Variants in TLE1 observed in about 807,000 individuals in gnomAD.
The protein encoded by TLE1 is TLE family member 1, transcriptional corepressor, also known as transducin-like enhancer protein 1.
A neutral mutation model predicts 89.8 loss-of-function variants in TLE1; 21 were observed. The ratio of observed to expected loss-of-function variants is 0.23; its 90% CI spans 0.17 to 0.34. The LOEUF (loss-of-function observed/expected upper bound fraction) is 0.34, where lower values mean the gene tolerates loss of function less well. TLE1 is among the 10% of genes least tolerant of loss of function. TLE1 has a pLI of 1.00. For synonymous variants in TLE1, 447 were observed against 407.6 expected (o/e 1.10, Z -1.16); for missense variants, 795 against 1,031.2 (o/e 0.77, Z 3.14).
chr9:81,662,763 T>C (rs919694204), intron 4 of TLE1, among the ~76,000 whole-genome samples: 2 of 152,052 alleles, frequency 1.3e-5, no homozygotes, highest in Admixed American at 6.6e-5. Context: ...AGAGTAATTA[T>C]GCTGAGGTGG....
chr9:81,660,571 A>C lies in TLE1; in HGVS notation c.235-6535T>G, dbSNP rs536258547. Among the ~76,000 whole-genome samples the C allele has an allele frequency of 2.9e-3, 431 of 150,236 alleles. 1 individual carries two copies. Among genetic ancestry groups the C allele is most frequent in the Non-Finnish European group, 4.2e-3 (285 of 67,484 alleles). ...TGGGACTACAGGTGCCTGCTACCACACCCGGCTAATTTTTTTTTGTATTTT... is the reference window on the plus strand; with the variant it reads ...TGGGACTACAGGTGCCTGCTACCACCCCCGGCTAATTTTTTTTTGTATTTT... On this transcript the variant is annotated intron_variant, in intron 4 of 19. Transcript: ENST00000376499.
intron 4 of TLE1, among the ~76,000 whole-genome samples, chr9:81,660,403 ATTT>A (rs944703382): frequency 1.3e-5 from 2 of 150,816 alleles, no homozygotes; most frequent in Non-Finnish European, 3.0e-5. Flanking sequence ...GTATGGTTTT[ATTT>A]TTTTATTTTA....
chr9:81,634,724 T>C (rs1827159911), intron 6 of TLE1, among the ~76,000 whole-genome samples: 1 of 152,078 alleles, frequency 6.6e-6, no homozygotes, highest in African/African-American at 2.4e-5. Flanking sequence ...GCCACAGATT[T>C]TCAGACTCAC....
chr9:81,620,957 TA>T, intron 8 of TLE1: 1 of 505,820 alleles, frequency 2.0e-6, no homozygotes, highest in Admixed American at 2.1e-5. Flanking sequence ...TCTTTAACTG[TA>T]AGAGTCAATG....
At position 81,680,262 on chromosome 9, in the gene TLE1, G is replaced by A. The variant is rs574836778; in HGVS notation, c.234+5414C>T. ...TTAAATGACTTCAATGAACTACAAC[G>A]GAACCAAGTCAGAGCCTATAGTTCA... is the stretch of plus-strand genomic sequence containing the variant. On this transcript the variant is annotated intron_variant, in intron 4 of 19. Coordinates refer to ENST00000376499, the MANE Select transcript of TLE1 (RefSeq NM_005077.5). Among the ~76,000 whole-genome samples the A allele has an allele frequency of 1.8e-4, 27 of 152,194 alleles. 1 individual carries two copies. The East Asian group carries it at 4.7e-3, about 26-fold the overall frequency.
intron 6 of TLE1, among the ~76,000 whole-genome samples, chr9:81,646,305 A>G (rs1588108503): frequency 6.6e-6 from 1 of 152,168 alleles, no homozygotes; most frequent in Non-Finnish European, 1.5e-5. Context: ...CCAAAGGAGA[A>G]ACGGACTGCG....
chr9:81,678,846 A>G (rs141808128), intron 4 of TLE1, among the ~76,000 whole-genome samples: 7 of 151,048 alleles, frequency 4.6e-5, no homozygotes, highest in Non-Finnish European at 7.4e-5. Context: ...TCTCAAAGAA[A>G]AAAAAAATTA....
intron 6 of TLE1, among the ~76,000 whole-genome samples, chr9:81,636,857 G>A (rs957140189): frequency 2.0e-5 from 3 of 151,876 alleles, no homozygotes; most frequent in African/African-American, 4.8e-5. Context: ...ACAACAATAA[G>A]CCAGGTGTGG....
In TLE1 at chr9:81,593,132, T is replaced by C; in HGVS notation, c.1474A>G (p.Ile492Val). 6.2e-7 allele frequency: 1 copy of C among 1,614,110 alleles called. No homozygotes were observed. Among genetic ancestry groups the C allele is most frequent in the Non-Finnish European group, 8.5e-7 (1 of 1,180,016 alleles). Residue 492 changes from isoleucine (I) to valine (V), a missense_variant, in exon 15 of 20, where the codon ATC (isoleucine) becomes GTC (valine). This residue lies in a region of TLE1 where 468 missense variants were observed against 509.1 expected (regional missense o/e 0.92). Transcript: ENST00000376499. ...TACACGTGTCTCGTGGGGTTGCTGA[T>C]GGTCACAGCGCACACCACCTCCCCG... ...NHGEVVCAVT[I>V]SNPTRHVYTG...
At chr9:81,633,050 A>C (rs955185987) in intron 8 of TLE1, among the ~76,000 whole-genome samples, 169 of 152,356 alleles carry the variant, frequency 1.1e-3, no homozygotes, top group African/African-American at 4.0e-3. Flanking sequence ...GCAGGGGAAT[A>C]TACAGATCAA....
intron 4 of TLE1, among the ~76,000 whole-genome samples, chr9:81,677,011 C>T (rs1011663340): frequency 2.6e-5 from 4 of 151,942 alleles, no homozygotes; most frequent in African/African-American, 7.3e-5. Context: ...CCAAAATGGA[C>T]GGATCACTTG....
chr9:81,682,027 C>T (rs903148331), intron 4 of TLE1, among the ~76,000 whole-genome samples: 3 of 151,954 alleles, frequency 2.0e-5, no homozygotes, highest in Admixed American at 6.6e-5. Flanking sequence ...GGGTGGATCA[C>T]TTGAGGTCAG....
intron 4 of TLE1, among the ~76,000 whole-genome samples, chr9:81,673,397 A>G (rs541550854): frequency 6.6e-6 from 1 of 151,788 alleles, no homozygotes; most frequent in South Asian, 2.1e-4. Context: ...TGGGAAAATC[A>G]GTTCAGAGGT....
intron 4 of TLE1, among the ~76,000 whole-genome samples, chr9:81,678,481 G>A (rs907864670): frequency 2.0e-5 from 3 of 152,124 alleles, no homozygotes; most frequent in African/African-American, 7.2e-5. Flanking sequence ...TGGGATTATA[G>A]GCATGAGCCA....
Position 81,587,807 on chromosome 9 carries a change from G to T in TLE1, c.1851C>A (p.Asp617Glu). ...TLVRQFQGHT[D>E]GASCIDISND... ...TAGAAATGTCAATACAGCTGGCTCC[G>T]TCTGTGTGGCCCTGGAATTGCCTGA... Residue 617 changes from aspartate to glutamate, a missense_variant, in exon 17 of 20, where the codon GAC (aspartate) becomes GAA (glutamate). Asp to Glu is a conservative substitution (Grantham distance 45). Coordinates refer to ENST00000376499, the MANE Select transcript of TLE1 (RefSeq NM_005077.5). 6.2e-7 allele frequency: 1 copy of T among 1,613,992 alleles called. No individual in the cohort carries two copies. The highest frequency in any genetic ancestry group is 8.5e-7 in the Non-Finnish European group (1 of 1,180,010).
At chr9:81,662,951 G>C (rs2627018) in intron 4 of TLE1, among the ~76,000 whole-genome samples, 2 of 151,728 alleles carry the variant, frequency 1.3e-5, no homozygotes. Context: ...GGGCTTAAGC[G>C]ATTCTCATGC....
chr9:81,601,166 G>C (rs766181933), intron 14 of TLE1, among the ~76,000 whole-genome samples: 2 of 152,114 alleles, frequency 1.3e-5, no homozygotes, highest in African/African-American at 2.4e-5. Context: ...CTAAATAAGC[G>C]AGCTGTGGAA....
At chr9:81,652,448 G>T (rs1212634772) in intron 5 of TLE1, among the ~76,000 whole-genome samples, 160 bp from the exon 6 acceptor site, 1 of 152,106 alleles carries the variant, frequency 6.6e-6, no homozygotes, top group African/African-American at 2.4e-5. Context: ...AACATAGATA[G>T]GGAAAGAAAA....
At chr9:81,585,404 G>A in intron 18 of TLE1, 101 bp downstream of exon 18, 1 of 1,437,832 alleles carries the variant, frequency 7.0e-7, no homozygotes, top group Non-Finnish European at 9.5e-7. Flanking sequence ...CAGCTGCTCG[G>A]AGAACATTTT....
Sources: gnomAD v4.1 joint callset for allele counts (sites outside exome capture counted in the v4.1 genomes callset) on GRCh38, gnomAD v4.1.1 for gene constraint, gnomAD v4.1.1 regional missense constraint, MANE v1.5 for transcripts, NCBI Gene and HGNC (gene_info 2026-07-23, HGNC 2026-07-21) for gene names.